SAMD3: variants seen among roughly 807,000 people sequenced by gnomAD.
SAMD3 encodes the protein sterile alpha motif domain containing 3, also known as sterile alpha motif domain-containing protein 3.
SAMD3 carries 63 observed loss-of-function variants against 58.5 expected under a neutral mutation model. That is an observed-to-expected ratio of 1.08 (90% CI 0.88 to 1.33). The LOEUF is 1.33. Ranked by LOEUF, SAMD3 falls within the 40% of genes most tolerant of loss-of-function variation. The pLI, the probability that SAMD3 is intolerant of heterozygous loss-of-function variation, is 0.00. For missense variants in SAMD3, 604 were observed against 608.4 expected (o/e 0.99, Z 0.08); for synonymous variants, 220 against 210.3 (o/e 1.05, Z -0.40).
intron 2 of SAMD3, among the ~76,000 whole-genome samples, chr6:130,305,030 G>A (rs1775872150): frequency 1.5e-5 from 2 of 137,088 alleles, no homozygotes; most frequent in African/African-American, 5.6e-5. Flanking sequence ...TGTCTCCTGT[G>A]TTCAAGTGAT....
intron 5 of SAMD3, among the ~76,000 whole-genome samples, chr6:130,194,845 A>G (rs1370509175): frequency 6.6e-6 from 1 of 152,154 alleles, no homozygotes. Context: ...TTGGAAGCCT[A>G]CAGGACCATC....
downstream of SAMD3, chr6:130,144,184 G>C: frequency 4.0e-6 from 1 of 249,342 alleles, no homozygotes; most frequent in Non-Finnish European, 7.6e-6. Context: ...AAGTGGGCAT[G>C]CTGAATTCAG....
At position 130,153,165 on chromosome 6, in the gene SAMD3, C is replaced by G. The variant is rs139467042; in HGVS notation, c.1023+1660G>C. ...CCCTACATGTAAGGAGTGTATAGAC[C>G]GTAAGTTTGACAGGCTTTTGCTTTA... On this transcript the variant is annotated intron_variant, in intron 9 of 11. Coordinates refer to ENST00000439090, the MANE Select transcript of SAMD3 (RefSeq NM_001017373.4). 6.0e-3 allele frequency among the ~76,000 whole-genome samples: 908 copies of G among 151,760 alleles called. 3 individuals carry two copies. Among genetic ancestry groups the G allele is most frequent in the Non-Finnish European group, 9.6e-3 (650 of 67,908 alleles).
chr6:130,270,542 G>A (rs1264471247), intron 2 of SAMD3, among the ~76,000 whole-genome samples: 1 of 152,162 alleles, frequency 6.6e-6, no homozygotes, highest in Non-Finnish European at 1.5e-5. Flanking sequence ...TAGGTAAAAG[G>A]GTTAAACAAG....
At chr6:130,210,296 C>A (rs9492489) in intron 4 of SAMD3, among the ~76,000 whole-genome samples, 1 of 152,046 alleles carries the variant, frequency 6.6e-6, no homozygotes, top group Non-Finnish European at 1.5e-5. Flanking sequence ...CCTACACATC[C>A]TTTTCAAAAT....
rs9492515 is a variant in SAMD3 at position 130,264,743 on chromosome 6, C to T, written c.-187-41930G>A. On this transcript the variant is annotated intron_variant, in intron 2 of 13. Transcript: ENST00000368134. Reference sequence around the variant, plus strand: ...ATAAAAATGTAGATTAGATAAACTACATCTATTACAACCAACAGCAACAAG... The same window carrying T: ...ATAAAAATGTAGATTAGATAAACTATATCTATTACAACCAACAGCAACAAG... Among the ~76,000 whole-genome samples, 746 of 152,238 alleles carry T rather than the reference C, an allele frequency of 4.9e-3. 8 individuals carry two copies. Among genetic ancestry groups the T allele is most frequent in the African/African-American group, 0.017 (718 of 41,510 alleles).
intron 2 of SAMD3, among the ~76,000 whole-genome samples, chr6:130,273,816 T>C (rs1010193367): frequency 2.0e-5 from 3 of 152,192 alleles, no homozygotes; most frequent in Admixed American, 6.5e-5. Flanking sequence ...CAATTTATAT[T>C]ATTGATGTCA....
At chr6:130,331,266 T>A (rs1325584314) in intron 1 of SAMD3, among the ~76,000 whole-genome samples, 1 of 152,222 alleles carries the variant, frequency 6.6e-6, no homozygotes, top group East Asian at 1.9e-4. Context: ...TACAATCCAA[T>A]AATACAAGGC....
intron 9 of SAMD3, among the ~76,000 whole-genome samples, chr6:130,148,389 C>T (rs1026476899): frequency 6.6e-6 from 1 of 152,222 alleles, no homozygotes; most frequent in Non-Finnish European, 1.5e-5. Flanking sequence ...AACAGACTGC[C>T]GTGCCCTCTT....
At chr6:130,218,028 T>C (rs745701851) in intron 1 of SAMD3, among the ~76,000 whole-genome samples, 28 of 152,210 alleles carry the variant, frequency 1.8e-4, no homozygotes, top group Non-Finnish European at 3.7e-4. Context: ...TCTGGGCAAT[T>C]CTCTTGGGTA....
chr6:130,214,333 T>G lies in SAMD3; in HGVS notation c.269+4A>C, dbSNP rs376191075. On this transcript the variant is annotated splice_donor_region_variant and intron_variant, in intron 4 of 11. Coordinates refer to ENST00000439090, the MANE Select transcript of SAMD3 (RefSeq NM_001017373.4). ...AAAATAAGGCCATTTATGAACATACTCACTCTCGAGCTGCTTCTGTTTGCA... is the reference window on the plus strand; with the variant it reads ...AAAATAAGGCCATTTATGAACATACGCACTCTCGAGCTGCTTCTGTTTGCA... 5.0e-5 allele frequency: 79 copies of G among 1,573,118 alleles called. No individual in the cohort carries two copies. Among genetic ancestry groups the G allele is most frequent in the Non-Finnish European group, 6.0e-5 (70 of 1,162,440 alleles).
chr6:130,364,117 T>A (rs1237634387), intron 1 of SAMD3, among the ~76,000 whole-genome samples: 1 of 152,246 alleles, frequency 6.6e-6, no homozygotes, highest in East Asian at 1.9e-4. Context: ...GTAATTATTT[T>A]AAAAAGAAAT....
intron 8 of SAMD3, among the ~76,000 whole-genome samples, chr6:130,174,834 A>G (rs1326431822): frequency 1.3e-5 from 2 of 152,230 alleles, no homozygotes; most frequent in Non-Finnish European, 2.9e-5. Flanking sequence ...TGAAAATTAG[A>G]ATAAGATATT....
intron 2 of SAMD3, among the ~76,000 whole-genome samples, chr6:130,281,867 C>T (rs2089996): frequency 0.49 from 74,448 of 151,860 alleles, 22,103 homozygotes; most frequent in African/African-American, 0.84. Context: ...GAGCCGAGAT[C>T]GTGTCACTGC....
chr6:130,356,261 C>T (rs1036789734), intron 1 of SAMD3, among the ~76,000 whole-genome samples: 1 of 152,096 alleles, frequency 6.6e-6, no homozygotes, highest in Non-Finnish European at 1.5e-5. Flanking sequence ...CTGGAAGGGC[C>T]GTCTGGTTGG....
intron 1 of SAMD3, among the ~76,000 whole-genome samples, chr6:130,346,971 A>T (rs1777474720): frequency 6.6e-6 from 1 of 152,242 alleles, no homozygotes. Context: ...GGGAAACAGC[A>T]TCTGGAGTGG....
chr6:130,325,503 T>G (rs1776728128), intron 1 of SAMD3, among the ~76,000 whole-genome samples: 1 of 152,208 alleles, frequency 6.6e-6, no homozygotes, highest in African/African-American at 2.4e-5. Context: ...GAGGGCCATC[T>G]TCTTGACTCA....
chr6:130,346,848 A>C (rs889054244), intron 1 of SAMD3, among the ~76,000 whole-genome samples: 9 of 152,116 alleles, frequency 5.9e-5, no homozygotes, highest in African/African-American at 2.2e-4. Flanking sequence ...GTGGACTGAC[A>C]CCTCACACGG....
chr6:130,150,713 CTTT>C (rs535281930), intron 9 of SAMD3, among the ~76,000 whole-genome samples: 8 of 135,974 alleles, frequency 5.9e-5, no homozygotes, highest in Admixed American at 7.4e-5. Flanking sequence ...GGCCAGAATT[CTTT>C]TTTTTTTTTT....
Sources: gnomAD v4.1 joint callset for allele counts (sites outside exome capture counted in the v4.1 genomes callset) on GRCh38, gnomAD v4.1.1 for gene constraint, MANE v1.5 for transcripts, NCBI Gene and HGNC (gene_info 2026-07-23, HGNC 2026-07-21) for gene names.